Variants in DLGAP3 observed in about 807,000 individuals in gnomAD.
The protein encoded by DLGAP3 is disks large-associated protein 3.
In DLGAP3, 17 loss-of-function variants were observed where a neutral mutation model predicts 81.2. That is an observed-to-expected ratio of 0.21 (90% CI 0.14 to 0.31). The LOEUF is 0.31. Among genes scored for constraint, DLGAP3 ranks in the 10% least tolerant of loss-of-function variants. DLGAP3 has a pLI of 1.00. For missense variants in DLGAP3, 1,124 were observed against 1,388.0 expected, an observed-to-expected ratio of 0.81 and a Z score of 3.02; for synonymous variants, 577 against 587.4, an observed-to-expected ratio of 0.98 and a Z score of 0.26.
chr1:34,892,183 C>A (rs1639320623), intron 5 of DLGAP3, among the ~76,000 whole-genome samples: 1 of 152,068 alleles, frequency 6.6e-6, no homozygotes, highest in Non-Finnish European at 1.5e-5. Context: ...AATAAAGGAA[C>A]AAATGGAAAT....
At position 34,905,345 on chromosome 1, in the gene DLGAP3, G is replaced by A. The variant is rs1639533296; in HGVS notation, c.39C>T (p.Arg13=). ...GCTGTTGGTCAGCAAAGCGGGCTGG[G>A]CGGGGATGGCTGCCTCGGTCGCCAT... ...GYHGDRGSHP[R]PARFADQQHM... is the part of the protein sequence containing the mutation. The change falls in exon 3 of 12, where the codon CGC becomes CGT. Residue 13 remains arginine, a synonymous_variant. Transcript: ENST00000373347. 3.2e-6 allele frequency: 5 copies of A among 1,557,476 alleles called. No homozygotes were observed. The highest frequency in any genetic ancestry group is 4.3e-6 in the Non-Finnish European group (5 of 1,150,520).
chr1:34,877,170 C>T (rs560018997), intron 8 of DLGAP3, among the ~76,000 whole-genome samples: 8 of 152,178 alleles, frequency 5.3e-5, no homozygotes, highest in African/African-American at 1.4e-4. Context: ...TGGATGAAAA[C>T]GCTGAGGGAG....
At chr1:34,912,200 T>C (rs1290288799) in intron 1 of DLGAP3, among the ~76,000 whole-genome samples, 18 of 152,234 alleles carry the variant, frequency 1.2e-4, no homozygotes, top group Non-Finnish European at 1.5e-5. Context: ...ACGGTAGCTA[T>C]CTTTATCATT....
chr1:34,885,266 A>G (rs976376947), intron 7 of DLGAP3, among the ~76,000 whole-genome samples: 1 of 152,142 alleles, frequency 6.6e-6, no homozygotes, highest in Non-Finnish European at 1.5e-5. Flanking sequence ...GCCCTCCATT[A>G]GTCAGGAGGG....
At chr1:34,911,180 G>T (rs553185923) in intron 1 of DLGAP3, among the ~76,000 whole-genome samples, 1 of 152,102 alleles carries the variant, frequency 6.6e-6, no homozygotes, top group East Asian at 1.9e-4. Flanking sequence ...TGTCTGTGTT[G>T]CCAGCCCAGA....
Position 34,885,507 on chromosome 1 carries a change from G to A in DLGAP3, c.1885C>T (p.Arg629Trp). The change falls in exon 7 of 12, where the codon CGG (arginine) becomes TGG (tryptophan). Residue 629 changes from arginine (R) to tryptophan (W), a missense_variant. Arg to Trp is a moderately radical substitution (Grantham distance 101). This residue lies in a region of DLGAP3 where 379 missense variants were observed against 455.7 expected (regional missense o/e 0.83). Coordinates refer to ENST00000373347, the MANE Select transcript of DLGAP3 (RefSeq NM_001080418.3). ...REELRSLARQ[R>W]KWRPSIGVQV... ...ACCCCAATGGACGGCCGCCACTTCC[G>A]CTGCCGCGCCAGGCTCCGCAGCTCC... 1.9e-6 allele frequency: 3 copies of A among 1,608,934 alleles called. No homozygotes were observed. Among genetic ancestry groups the A allele is most frequent in the Non-Finnish European group, 2.5e-6 (3 of 1,179,858 alleles).
intron 1 of DLGAP3, among the ~76,000 whole-genome samples, chr1:34,912,993 G>A (rs550479352): frequency 6.6e-6 from 1 of 152,218 alleles, no homozygotes; most frequent in South Asian, 2.1e-4. Flanking sequence ...AGTTGGGCTG[G>A]TGTCCTAGTC....
chr1:34,890,123 C>A (rs1162813163), intron 5 of DLGAP3, among the ~76,000 whole-genome samples: 1 of 152,140 alleles, frequency 6.6e-6, no homozygotes, highest in African/African-American at 2.4e-5. Flanking sequence ...GGAAAAGAGG[C>A]AAATCCCCTA....
At chr1:34,890,473 G>C (rs1639294980) in intron 5 of DLGAP3, among the ~76,000 whole-genome samples, 1 of 152,216 alleles carries the variant, frequency 6.6e-6, no homozygotes, top group Non-Finnish European at 1.5e-5. Flanking sequence ...CTAATGAATA[G>C]AATATGGCAG....
rs777992135 is a variant in DLGAP3 at position 34,895,192 on chromosome 1, C to A, written c.1386+4477G>T. 6.6e-6 allele frequency among the ~76,000 whole-genome samples: 1 copy of A among 151,812 alleles called. No homozygotes were observed. Among genetic ancestry groups the A allele is most frequent in the Non-Finnish European group, 1.5e-5 (1 of 67,940 alleles). On this transcript the variant is annotated intron_variant, in intron 5 of 11. Transcript: ENST00000373347. This position sits in a 1 kb window ranked among gnomAD's most constrained non-coding sequence, Gnocchi z 4.5. ...ACGATCCTGGCTAACACGGTGAAACCCCGTCTGTACTAAAAATACAAAAAA... is the reference window on the plus strand; with the variant it reads ...ACGATCCTGGCTAACACGGTGAAACACCGTCTGTACTAAAAATACAAAAAA...
At chr1:34,879,425 G>A (rs909227231) in intron 8 of DLGAP3, among the ~76,000 whole-genome samples, 1 of 152,162 alleles carries the variant, frequency 6.6e-6, no homozygotes, top group African/African-American at 2.4e-5. Flanking sequence ...GACAGCAGGC[G>A]GAGCTCAGGC....
chr1:34,906,020 A>ATT (rs1639548645), intron 2 of DLGAP3, among the ~76,000 whole-genome samples: 1 of 119,862 alleles, frequency 8.3e-6, no homozygotes, highest in Non-Finnish European at 1.9e-5. Context: ...CTAAATTTAT[A>ATT]TATATATATA....
intron 1 of DLGAP3, among the ~76,000 whole-genome samples, chr1:34,907,868 CAG>C (rs537799758): frequency 6.6e-6 from 1 of 152,196 alleles, no homozygotes; most frequent in Non-Finnish European, 1.5e-5. Flanking sequence ...TCTCACGTGA[CAG>C]AGTTATTTCA....
At chr1:34,898,377 G>A (rs1639407104) in intron 5 of DLGAP3, among the ~76,000 whole-genome samples, 1 of 152,208 alleles carries the variant, frequency 6.6e-6, no homozygotes, top group Non-Finnish European at 1.5e-5. Flanking sequence ...TTTCAGGAAG[G>A]AAGGAGTCTT....
At chr1:34,875,297 C>A (rs879369972) in intron 8 of DLGAP3, among the ~76,000 whole-genome samples, 10 of 152,106 alleles carry the variant, frequency 6.6e-5, no homozygotes, top group Non-Finnish European at 1.2e-4. Flanking sequence ...CCAGGTGGCC[C>A]TTCGTGGGCA....
At chr1:34,906,498 C>T (rs1639558352) in intron 2 of DLGAP3, among the ~76,000 whole-genome samples, 1 of 152,194 alleles carries the variant, frequency 6.6e-6, no homozygotes, top group Non-Finnish European at 1.5e-5. Flanking sequence ...GGCTCATTCT[C>T]CCTCCCCTGT....
At chr1:34,928,387 C>G (rs1036973646) in intron 1 of DLGAP3, among the ~76,000 whole-genome samples, 6 of 152,112 alleles carry the variant, frequency 3.9e-5, no homozygotes, top group South Asian at 2.1e-4. Flanking sequence ...AAGCAGCACA[C>G]GCAGGCACAT....
Position 34,866,107 on chromosome 1 carries a change from G to C in DLGAP3, c.2916C>G (p.Ile972Met). The stretch of plus-strand genomic sequence containing the variant: ...GTCACAGCCTGGTCTGGGCCTCGGG[G>C]ATGTAGATCTCGATGCTGTCGGCGC... The part of the protein sequence containing the change: ...TESADSIEIY[I>M]PEAQTRL The change falls in exon 12 of 12, where the codon ATC becomes ATG. Residue 972 changes from isoleucine (I) to methionine (M), a missense_variant. By Grantham distance (10) the Ile-to-Met change is conservative. Coordinates refer to ENST00000373347, the MANE Select transcript of DLGAP3 (RefSeq NM_001080418.3). 6.2e-7 allele frequency: 1 copy of C among 1,600,032 alleles called. No homozygotes were observed. Among genetic ancestry groups the C allele is most frequent in the South Asian group, 1.1e-5 (1 of 91,010 alleles).
chr1:34,928,773 C>T (rs1639911419), intron 1 of DLGAP3, among the ~76,000 whole-genome samples: 1 of 151,892 alleles, frequency 6.6e-6, no homozygotes. Context: ...GATACCGGGA[C>T]CCACTCACAG....
Sources: gnomAD v4.1 joint callset for allele counts (sites outside exome capture counted in the v4.1 genomes callset) on GRCh38, gnomAD v4.1.1 for gene constraint, gnomAD v4.1.1 regional missense constraint, Gnocchi (gnomAD v3.1) non-coding constraint, MANE v1.5 for transcripts, NCBI Gene and HGNC (gene_info 2026-07-23, HGNC 2026-07-21) for gene names.